The following TYW1 variants were observed in gnomAD, a reference collection of about 807,000 sequenced individuals.
The protein encoded by TYW1 is tRNA-yW synthesizing protein 1 homolog.
In TYW1, 46 loss-of-function variants were observed where a neutral mutation model predicts 96.2. The ratio of observed to expected loss-of-function variants is 0.48; its 90% CI spans 0.38 to 0.61. The LOEUF (loss-of-function observed/expected upper bound fraction) is 0.61. TYW1 is among the 20% of genes least tolerant of loss of function. TYW1 has a pLI of 0.00. For synonymous variants in TYW1, 274 were observed against 323.0 expected, an observed-to-expected ratio of 0.85 and a Z score of 1.63; for missense variants, 684 against 909.6, an observed-to-expected ratio of 0.75 and a Z score of 3.19.
At chr7:67,062,967 C>T (rs1307660405) in intron 9 of TYW1, among the ~76,000 whole-genome samples, 1 of 152,104 alleles carries the variant, frequency 6.6e-6, no homozygotes, top group Non-Finnish European at 1.5e-5. Flanking sequence ...AATAGTAACC[C>T]GATAAAACCT....
rs764947603 is a variant in TYW1, at chr7:67,009,671, A to G, written c.362A>G (p.His121Arg). The G allele has an allele frequency of 9.3e-6, 15 of 1,606,830 alleles. No homozygotes were observed. Among genetic ancestry groups the G allele is most frequent in the South Asian group, 2.3e-5 (2 of 88,340 alleles). The change falls in exon 4 of 16, where the codon CAT becomes CGT. Residue 121 changes from histidine (H) to arginine (R), a missense_variant. His to Arg is a conservative substitution (Grantham distance 29). Coordinates refer to ENST00000359626, the MANE Select transcript of TYW1 (RefSeq NM_018264.4). ...INLKEYDPDD[H>R]LIEEVTSKNV... ...CTAAAAGAATATGATCCAGATGATC[A>G]TCTGATAGAAGAGGTTGGTAATTGT...
Position 67,017,962 on chromosome 7 carries a change from C to T in TYW1, c.680C>T (p.Ala227Val). 6.2e-7 allele frequency: 1 copy of T among 1,614,120 alleles called. No homozygotes were observed. Among genetic ancestry groups the T allele is most frequent in the Non-Finnish European group, 8.5e-7 (1 of 1,180,026 alleles). ...VVKSKHGSIE[A>V]DFRAWKTKFI... ...AAAAGCAAGCACGGCAGCATTGAGG[C>T]CGACTTCAGAGCATGGAAGACCAAG... The change falls in exon 6 of 16, where the codon GCC becomes GTC. Residue 227 changes from alanine to valine, a missense_variant. Ala to Val is a moderately conservative substitution (Grantham distance 64, BLOSUM62 0). Transcript: ENST00000359626.
rs869257148 is a variant in TYW1 at position 67,135,302 on chromosome 7, G to GTTTTTTTTTTTT, written c.1698+17693_1698+17704dup. 1.3e-4 allele frequency among the ~76,000 whole-genome samples: 15 copies of GTTTTTTTTTTTT among 111,820 alleles called. 3 individuals are homozygous for GTTTTTTTTTTTT. Among genetic ancestry groups the GTTTTTTTTTTTT allele is most frequent in the African/African-American group, 5.7e-4 (15 of 26,334 alleles). The allele number at this position is 111,820 out of a possible 152,430, so 73.4% of individuals were successfully genotyped here. A position where few individuals can be genotyped will look rare whatever the true frequency, so the allele number is the denominator to read the frequency against. ...TCTTTTTGAATATGATGTTAAAACA[G>GTTTTTTTTTTTT]TTTTTTTTTTTTTTTTTTTTGAGAC... On this transcript the variant is annotated intron_variant, in intron 13 of 15. Transcript: ENST00000359626.
chr7:67,222,379 G>C (rs1366228950), intron 15 of TYW1, among the ~76,000 whole-genome samples: 1 of 152,156 alleles, frequency 6.6e-6, no homozygotes, highest in Non-Finnish European at 1.5e-5. Flanking sequence ...TTACAGGGAA[G>C]ATCTAGTAGA....
intron 11 of TYW1, among the ~76,000 whole-genome samples, chr7:67,086,043 A>G (rs1024117013): frequency 6.6e-6 from 1 of 151,916 alleles, no homozygotes; most frequent in African/African-American, 2.4e-5. Flanking sequence ...TGACCTGTAC[A>G]TATTTGTGTG....
chr7:67,070,346 G>A (rs1162389686), intron 10 of TYW1, among the ~76,000 whole-genome samples: 1 of 151,830 alleles, frequency 6.6e-6, no homozygotes, highest in Non-Finnish European at 1.5e-5. Context: ...TCTCCTTCTG[G>A]AACTTTTATT....
At chr7:67,210,893 T>TGTCC (rs1800990696) in intron 15 of TYW1, among the ~76,000 whole-genome samples, 1 of 141,174 alleles carries the variant, frequency 7.1e-6, no homozygotes, top group South Asian at 2.4e-4. Flanking sequence ...TCCATCCATC[T>TGTCC]ATCCATCTGT....
intron 13 of TYW1, among the ~76,000 whole-genome samples, chr7:67,176,822 A>G (rs1048254881): frequency 3.3e-5 from 5 of 152,080 alleles, no homozygotes; most frequent in African/African-American, 1.2e-4. Context: ...TTTAGACTGG[A>G]TAGTTCTTTT....
At chr7:67,001,918 C>A (rs1401771721) in intron 3 of TYW1, among the ~76,000 whole-genome samples, 2 of 151,748 alleles carry the variant, frequency 1.3e-5, no homozygotes, top group Non-Finnish European at 2.9e-5. Context: ...TCTGTAATTC[C>A]AGCTACTTGG....
At chr7:67,205,327 GGGAGAGCCATCTTGTGACT>G (rs1419619891) in intron 15 of TYW1, among the ~76,000 whole-genome samples, 1 of 152,152 alleles carries the variant, frequency 6.6e-6, no homozygotes, top group Non-Finnish European at 1.5e-5. Context: ...TGATGAGGAA[GGGAGAGCCATCTTGTGACT>G]GTTCCCCCCT....
intron 13 of TYW1, among the ~76,000 whole-genome samples, chr7:67,170,316 A>C (rs1472162293): frequency 6.6e-6 from 1 of 152,230 alleles, no homozygotes; most frequent in Non-Finnish European, 1.5e-5. Context: ...GTGGTACCAC[A>C]TAATCTTGAT....
chr7:67,028,995 A>G (rs1794550740), intron 7 of TYW1, among the ~76,000 whole-genome samples: 1 of 150,970 alleles, frequency 6.6e-6, no homozygotes, highest in Admixed American at 6.6e-5. Flanking sequence ...TTGGACGCTG[A>G]TATGGACTTT....
chr7:67,081,918 T>C (rs1448303907), intron 10 of TYW1, among the ~76,000 whole-genome samples: 1 of 147,644 alleles, frequency 6.8e-6, no homozygotes, highest in African/African-American at 2.5e-5. Context: ...AAACTCTGAG[T>C]TGTATTTATT....
chr7:67,098,206 C>T (rs1796980356), intron 11 of TYW1, among the ~76,000 whole-genome samples: 1 of 152,206 alleles, frequency 6.6e-6, no homozygotes, highest in Admixed American at 6.6e-5. Context: ...TGCAGATATA[C>T]TGAGTTCATT....
chr7:67,020,282 C>A (rs1794202860), intron 6 of TYW1, among the ~76,000 whole-genome samples: 1 of 152,254 alleles, frequency 6.6e-6, no homozygotes, highest in African/African-American at 2.4e-5. Context: ...ACTCAGGAGG[C>A]CGAGGCAGGA....
chr7:67,092,364 T>C (rs1214736096), intron 11 of TYW1, among the ~76,000 whole-genome samples: 13 of 152,060 alleles, frequency 8.5e-5, no homozygotes, highest in Admixed American at 8.5e-4. Flanking sequence ...GAACCCGATG[T>C]GATCTACTTA....
chr7:67,145,280 C>T (rs1798574373), intron 13 of TYW1, among the ~76,000 whole-genome samples: 1 of 150,984 alleles, frequency 6.6e-6, no homozygotes, highest in Non-Finnish European at 1.5e-5. Context: ...TCCCGTGTAG[C>T]TGGGACTACA....
Position 66,996,901 on chromosome 7 carries a change from G to A in TYW1, c.-78G>A. 1 of 1,608,676 alleles carries A rather than the reference G, an allele frequency of 6.2e-7. No individual in the cohort carries two copies. On this transcript the variant is annotated 5_prime_UTR_variant, in exon 1 of 16. Transcript: ENST00000359626. The stretch of plus-strand genomic sequence containing the variant: ...CGCCGCTAACGCGGCGAGGTAGCTC[G>A]GTGCGTCTCGCGGTACCAGTGCGAA...
intron 15 of TYW1, among the ~76,000 whole-genome samples, chr7:67,210,212 A>G (rs1008815586): frequency 1.3e-5 from 2 of 152,056 alleles, no homozygotes; most frequent in Non-Finnish European, 2.9e-5. Flanking sequence ...GGGGTACTCG[A>G]GGGATTTTGT....
Sources: gnomAD v4.1 joint callset for allele counts (sites outside exome capture counted in the v4.1 genomes callset) on GRCh38, gnomAD v4.1.1 for gene constraint, MANE v1.5 for transcripts, NCBI Gene and HGNC (gene_info 2026-07-23, HGNC 2026-07-21) for gene names.